Variants in LITAF observed in about 807,000 individuals in gnomAD.
LITAF encodes lipopolysaccharide induced TNF factor.
LITAF carries 9 observed loss-of-function variants against 14.5 expected under a neutral mutation model. The ratio of observed to expected loss-of-function variants is 0.62; its 90% CI spans 0.37 to 1.08. LITAF has a LOEUF of 1.08. Among genes scored for constraint, LITAF ranks in the 50% least tolerant of loss-of-function variants. The probability of loss-of-function intolerance (pLI) is 0.01; values close to 1 mark genes in which losing one functional copy is unlikely to be tolerated. For missense variants in LITAF, 206 were observed against 213.4 expected, an observed-to-expected ratio of 0.97 and a Z score of 0.22; for synonymous variants, 98 against 88.2, an observed-to-expected ratio of 1.11 and a Z score of -0.62.
Position 11,605,033 on chromosome 16 carries a change from C to G in LITAF, c.85+28500G>C, listed in dbSNP as rs1317377872. Among the ~76,000 whole-genome samples the G allele has an allele frequency of 6.6e-6, 1 of 152,168 alleles. No homozygotes were observed. The highest frequency in any genetic ancestry group is 1.5e-5 in the Non-Finnish European group (1 of 68,020). ...AAAGAACGGAACTTCCTTGCCTACT[C>G]CAGGAATCGGCCAGGACCACTGCTG... is the stretch of plus-strand genomic sequence containing the variant. On this transcript the variant is annotated intron_variant, in intron 3 of 3. Coordinates refer to the LITAF transcript ENST00000574848. The surrounding 1 kb of genome is among the most constrained non-coding windows in gnomAD (Gnocchi z 4.7).
rs1034825955 is a variant in LITAF at position 11,553,064 on chromosome 16, G to A, written c.377+469C>T. Among the ~76,000 whole-genome samples the A allele has an allele frequency of 6.6e-6, 1 of 152,026 alleles. No individual in the cohort carries two copies. The highest frequency in any genetic ancestry group is 2.1e-4 in the South Asian group (1 of 4,818). On this transcript the variant is annotated intron_variant, in intron 3 of 3. Coordinates refer to ENST00000622633, the MANE Select transcript of LITAF (RefSeq NM_001136472.2). The surrounding 1 kb of genome is among the most constrained non-coding windows in gnomAD (Gnocchi z 7.7). ...TGGGAGGCGGAGGTTGCAGTGAGCC[G>A]GGATCGTGCTACTGCACTCCAGCCT... is the stretch of plus-strand genomic sequence containing the variant.
intron 1 of LITAF, among the ~76,000 whole-genome samples, chr16:11,564,944 T>C (rs764403582): frequency 6.6e-6 from 1 of 151,396 alleles, no homozygotes; most frequent in Non-Finnish European, 1.5e-5. Flanking sequence ...GAAAATGTTC[T>C]GGAACCAGAT....
intron 1 of LITAF, among the ~76,000 whole-genome samples, chr16:11,574,270 G>A (rs1394045398): frequency 1.3e-5 from 2 of 151,840 alleles, no homozygotes; most frequent in Non-Finnish European, 1.5e-5. Flanking sequence ...TCAAACTCCT[G>A]GGCTAAAGCA....
At position 11,634,191 on chromosome 16, in the gene LITAF, T is replaced by G. The variant is rs2065129525; in HGVS notation, c.-20-554A>C. ...TTGCAAAAATTATAACAGAAAATTG[T>G]GACAGTGAAGGAGACCTGATCTAAC... On this transcript the variant is annotated intron_variant, in intron 2 of 3. Coordinates refer to the LITAF transcript ENST00000574848. The surrounding 1 kb of genome is among the most constrained non-coding windows in gnomAD (Gnocchi z 4.1). 2.0e-5 allele frequency among the ~76,000 whole-genome samples: 3 copies of G among 152,154 alleles called. No homozygotes were observed. The highest frequency in any genetic ancestry group is 7.2e-5 in the African/African-American group (3 of 41,436).
chr16:11,635,481 C>A (rs1168940917), intron 2 of LITAF, among the ~76,000 whole-genome samples: 2 of 152,180 alleles, frequency 1.3e-5, no homozygotes, highest in Non-Finnish European at 2.9e-5. Context: ...GGACAAGAAG[C>A]CTTCCACGTC....
intron 1 of LITAF, among the ~76,000 whole-genome samples, chr16:11,568,116 C>T (rs960448627): frequency 1.3e-5 from 2 of 151,904 alleles, no homozygotes; most frequent in African/African-American, 4.8e-5. Flanking sequence ...AATGAGACCC[C>T]ATCTCTACAA....
chr16:11,601,708 A>T (rs1288226651), upstream of LITAF, among the ~76,000 whole-genome samples: 8 of 152,058 alleles, frequency 5.3e-5, no homozygotes, highest in Non-Finnish European at 5.9e-5. Context: ...AGCAGCTGAG[A>T]CTACAGGCAC....
chr16:11,554,599 C>T (rs1349608011), intron 2 of LITAF, among the ~76,000 whole-genome samples: 2 of 151,924 alleles, frequency 1.3e-5, no homozygotes, highest in Admixed American at 6.6e-5. Flanking sequence ...TCAAGACCAG[C>T]CTGGCCAACA....
intron 1 of LITAF, among the ~76,000 whole-genome samples, chr16:11,597,383 A>G (rs1411415572): frequency 4.6e-5 from 7 of 152,134 alleles, no homozygotes; most frequent in Non-Finnish European, 4.4e-5. Flanking sequence ...CGGGTGGAGC[A>G]TGAGTCATAG....
chr16:11,616,000 G>C (rs759317919), intron 3 of LITAF, among the ~76,000 whole-genome samples: 1 of 152,150 alleles, frequency 6.6e-6, no homozygotes, highest in East Asian at 1.9e-4. Context: ...TTATGCCTAC[G>C]TCACGAAACC....
chr16:11,630,126 G>A (rs1199394694), intron 3 of LITAF, among the ~76,000 whole-genome samples: 1 of 152,164 alleles, frequency 6.6e-6, no homozygotes, highest in Non-Finnish European at 1.5e-5. Flanking sequence ...GAGGTCATGG[G>A]AGTCCAGATA....
chr16:11,610,731 AG>A (rs1050280226), intron 3 of LITAF, among the ~76,000 whole-genome samples: 7 of 152,168 alleles, frequency 4.6e-5, no homozygotes, highest in Non-Finnish European at 2.9e-5. Flanking sequence ...GCACAAATGC[AG>A]GGGGCACTCT....
At chr16:11,571,776 G>A (rs1173210674) in intron 1 of LITAF, among the ~76,000 whole-genome samples, 2 of 152,164 alleles carry the variant, frequency 1.3e-5, no homozygotes, top group Middle Eastern at 3.4e-3. Context: ...ACGCCCTCTC[G>A]GCTGGCTCTT....
At chr16:11,625,616 A>T (rs2065078949) in intron 3 of LITAF, among the ~76,000 whole-genome samples, 1 of 152,158 alleles carries the variant, frequency 6.6e-6, no homozygotes, top group Non-Finnish European at 1.5e-5. Flanking sequence ...CTCTGGGGGA[A>T]CCAAGTCTAA....
upstream of LITAF, among the ~76,000 whole-genome samples, chr16:11,638,106 ATATCTATC>A (rs1276702102): frequency 6.9e-4 from 50 of 72,242 alleles, 1 homozygote; most frequent in Admixed American, 1.8e-3. Context: ...CTATATATAT[ATATCTATC>A]TATATAGATA....
Position 11,553,080 on chromosome 16 carries a change from A to C in LITAF, c.377+453T>G, listed in dbSNP as rs2064206071. On this transcript the variant is annotated intron_variant, in intron 3 of 3. Transcript: ENST00000622633. This position sits in a 1 kb window ranked among gnomAD's most constrained non-coding sequence, Gnocchi z 7.7. The stretch of plus-strand genomic sequence containing the variant: ...CAGTGAGCCGGGATCGTGCTACTGC[A>C]CTCCAGCCTGGGCAACAGAGTGAGA... Among the ~76,000 whole-genome samples the C allele has an allele frequency of 1.3e-5, 2 of 152,002 alleles. No homozygotes were observed. Among genetic ancestry groups the C allele is most frequent in the South Asian group, 4.1e-4 (2 of 4,822 alleles).
chr16:11,617,502 C>A (rs1269378526), intron 3 of LITAF, among the ~76,000 whole-genome samples: 2 of 140,138 alleles, frequency 1.4e-5, no homozygotes, highest in Non-Finnish European at 3.0e-5. Context: ...GCACAACTCA[C>A]TGCAACTTCT....
At chr16:11,606,760 G>C (rs373519930) in intron 3 of LITAF, among the ~76,000 whole-genome samples, 2 of 151,776 alleles carry the variant, frequency 1.3e-5, no homozygotes, top group Admixed American at 1.3e-4. Context: ...TCAGCCTCCC[G>C]AGTAGCTGGG....
At chr16:11,636,860 A>C (rs1643393661), upstream of LITAF, among the ~76,000 whole-genome samples, 1 of 151,854 alleles carries the variant, frequency 6.6e-6, no homozygotes, top group Non-Finnish European at 1.5e-5. Flanking sequence ...TATCTGCCTA[A>C]ATAATTTATT....
Sources: gnomAD v4.1 joint callset for allele counts (sites outside exome capture counted in the v4.1 genomes callset) on GRCh38, gnomAD v4.1.1 for gene constraint, Gnocchi (gnomAD v3.1) non-coding constraint, MANE v1.5 for transcripts, NCBI Gene and HGNC (gene_info 2026-07-23, HGNC 2026-07-21) for gene names.